The following AMZ1 variants were observed in gnomAD, a reference collection of about 807,000 sequenced individuals.
AMZ1 encodes the protein archaelysin family metallopeptidase 1, also known as archaemetzincin-1.
In AMZ1, 39 loss-of-function variants were observed where a neutral mutation model predicts 29.9. The observed-to-expected ratio is 1.30, with a 90% CI of 1.01 to 1.70. The LOEUF is 1.70. Among genes scored for constraint, AMZ1 ranks in the 40% most tolerant of loss-of-function variants. The pLI is 0.00. For missense variants in AMZ1, 1,041 were observed against 680.6 expected, an observed-to-expected ratio of 1.53 and a Z score of -5.89; for synonymous variants, 458 against 304.0, an observed-to-expected ratio of 1.51 and a Z score of -5.27.
chr7:2,711,299 C>T (rs1206579566), intron 6 of AMZ1, among the ~76,000 whole-genome samples: 2 of 152,126 alleles, frequency 1.3e-5, no homozygotes, highest in Admixed American at 6.5e-5. Flanking sequence ...AAGGGCCTGG[C>T]CAGAAAAGGT....
At chr7:2,742,958 C>A (rs798512) in intron 4 of AMZ1, among the ~76,000 whole-genome samples, 2 of 152,056 alleles carry the variant, frequency 1.3e-5, no homozygotes, top group Admixed American at 6.5e-5. Flanking sequence ...CAGGTGCACA[C>A]TCACATCACC....
chr7:2,762,644 A>G (rs1329196727), upstream of AMZ1: 1 of 1,597,870 alleles, frequency 6.3e-7, no homozygotes, highest in African/African-American at 1.3e-5. Context: ...TGAAGCACAG[A>G]GCGGCAGGAC....
chr7:2,692,806 A>G lies in AMZ1; in HGVS notation c.-219+4510A>G, dbSNP rs753547708. Among the ~76,000 whole-genome samples the G allele has an allele frequency of 1.5e-3, 235 of 152,264 alleles. 3 individuals carry two copies. Among genetic ancestry groups the G allele is most frequent in the Admixed American group, 2.7e-3 (41 of 15,282 alleles). On this transcript the variant is annotated intron_variant, in intron 1 of 6. Transcript: ENST00000683327. ...CAGAGCAAAGGTTAAAGCTCTTCCA[A>G]CAGCCTCCCGGCTCCTGCGCGATGT... is the stretch of plus-strand genomic sequence containing the variant.
chr7:2,764,763 A>T (rs1791733721), exon 1 of AMZ1: 1 of 152,250 alleles, frequency 6.6e-6, no homozygotes, highest in South Asian at 2.1e-4. Context: ...CTGAAGCAGC[A>T]TCTGAAGTCC....
intron 2 of AMZ1, among the ~76,000 whole-genome samples, chr7:2,701,449 TGAG>T (rs1788049017): frequency 6.6e-6 from 1 of 152,060 alleles, no homozygotes; most frequent in South Asian, 2.1e-4. Context: ...GGTGGGGGCT[TGAG>T]GGCCCAGAGT....
In AMZ1 at chr7:2,733,589, T is replaced by A. The variant is rs114892473; in HGVS notation, n.550+23773T>A. The A allele has an allele frequency of 2.5e-3, 2,476 of 1,002,830 alleles. 24 individuals carry two copies. The African/African-American group carries it at 0.034, about 14-fold the overall frequency. 62.1% of individuals were successfully genotyped at this position (1,002,830 alleles called of 1,614,324 possible). A position where few individuals can be genotyped will look rare whatever the true frequency, so the allele number is the denominator to read the frequency against. ...CAAGAACTGAACAGGGTAAGAGCAG[T>A]GGCATTTCGCCTCCGTGTGAATGGG... On this transcript the variant is annotated intron_variant and non_coding_transcript_variant, in intron 4 of 4. Coordinates refer to the AMZ1 transcript ENST00000489665.
intron 1 of AMZ1, among the ~76,000 whole-genome samples, chr7:2,689,317 T>C (rs1043694012): frequency 2.0e-5 from 3 of 152,044 alleles, no homozygotes; most frequent in African/African-American, 7.2e-5. Context: ...CTTGGATACC[T>C]GGTTACTGGG....
At chr7:2,680,801 A>C (rs916184515) in intron 1 of AMZ1, among the ~76,000 whole-genome samples, 2 of 152,188 alleles carry the variant, frequency 1.3e-5, no homozygotes, top group Non-Finnish European at 2.9e-5. Flanking sequence ...CCAGGGCACG[A>C]CCCTGATGGA....
chr7:2,730,885 A>C (rs1050367499), intron 4 of AMZ1: 2 of 355,036 alleles, frequency 5.6e-6, no homozygotes, highest in African/African-American at 2.0e-5. Context: ...AAAAAGAGGA[A>C]CGTTTCTGTA....
chr7:2,731,074 C>T lies in AMZ1; in HGVS notation n.550+21258C>T, dbSNP rs761499463. The T allele has an allele frequency of 3.2e-5, 23 of 721,132 alleles. No homozygotes were observed. The highest frequency in any genetic ancestry group is 3.2e-4 in the Middle Eastern group (1 of 3,100). 44.7% of individuals were successfully genotyped at this position (721,132 alleles called of 1,614,324 possible). On this transcript the variant is annotated intron_variant and non_coding_transcript_variant, in intron 4 of 4. Transcript: ENST00000489665. The surrounding 1 kb of genome is among the most constrained non-coding windows in gnomAD (Gnocchi z 6.0). The stretch of plus-strand genomic sequence containing the variant: ...TTCCTGAGCCAGGTATTCCAGGGCA[C>T]GGATCCGAGAAACCCACTCAAGGAC...
chr7:2,705,831 G>A (rs755591535), intron 3 of AMZ1, among the ~76,000 whole-genome samples: 18 of 152,232 alleles, frequency 1.2e-4, no homozygotes, highest in Admixed American at 5.2e-4. Flanking sequence ...CTTGGCCCTG[G>A]CCCTAAAACA....
chr7:2,690,876 C>T (rs1238812662), intron 1 of AMZ1, among the ~76,000 whole-genome samples: 5 of 152,104 alleles, frequency 3.3e-5, no homozygotes, highest in Non-Finnish European at 5.9e-5. Context: ...TGTGGTGGCT[C>T]ACCTCTGAAA....
upstream of AMZ1, among the ~76,000 whole-genome samples, chr7:2,684,397 C>G (rs10246633): frequency 6.6e-6 from 1 of 152,040 alleles, no homozygotes; most frequent in Non-Finnish European, 1.5e-5. Context: ...TTTTGGGAGC[C>G]GCTATGTAAC....
intron 2 of AMZ1, among the ~76,000 whole-genome samples, chr7:2,701,746 T>TG (rs140074501): frequency 0.032 from 4,856 of 152,300 alleles, 267 homozygotes; most frequent in African/African-American, 0.11. Flanking sequence ...AGAACAGGGC[T>TG]GACCTCGCCT....
intron 4 of AMZ1, among the ~76,000 whole-genome samples, chr7:2,726,762 G>T (rs73047368): frequency 0.11 from 16,115 of 152,300 alleles, 989 homozygotes; most frequent in Middle Eastern, 0.17. Flanking sequence ...ATGCCGAAGA[G>T]CAAGTTATGG....
chr7:2,708,122 C>G (rs111657736), intron 3 of AMZ1, among the ~76,000 whole-genome samples: 3,568 of 152,258 alleles, frequency 0.023, 160 homozygotes, highest in African/African-American at 0.081. Flanking sequence ...TGTGCCCGGC[C>G]TTACCGAGGG....
intron 4 of AMZ1, among the ~76,000 whole-genome samples, chr7:2,745,442 TA>T (rs1271717697): frequency 1.3e-5 from 2 of 152,144 alleles, no homozygotes; most frequent in Admixed American, 6.5e-5. Flanking sequence ...GAAGGAGAAA[TA>T]AAATACTTTA....
Position 2,719,312 on chromosome 7 carries a change from C to G in AMZ1, c.*6434C>G, listed in dbSNP as rs1789315351. Among the ~76,000 whole-genome samples, 1 of 152,214 alleles carries G rather than the reference C, an allele frequency of 6.6e-6. No homozygotes were observed. Among genetic ancestry groups the G allele is most frequent in the Non-Finnish European group, 1.5e-5 (1 of 68,038 alleles). ...TCACGTGGGGCTCTTGATGGCATAACCTGATGTCTGTCACGGACCCCCAAG... is the reference window on the plus strand; with the variant it reads ...TCACGTGGGGCTCTTGATGGCATAAGCTGATGTCTGTCACGGACCCCCAAG... On this transcript the variant is annotated 3_prime_UTR_variant, in exon 7 of 7. Coordinates refer to ENST00000683327, the MANE Select transcript of AMZ1 (RefSeq NM_001384743.1).
At chr7:2,732,374 C>T (rs1313134354) in intron 4 of AMZ1, among the ~76,000 whole-genome samples, 2 of 152,078 alleles carry the variant, frequency 1.3e-5, no homozygotes, top group African/African-American at 4.8e-5. Flanking sequence ...TAGTAAAACC[C>T]CATATTTACA....
Sources: allele counts gnomAD v4.1 joint callset (sites outside exome capture counted in the v4.1 genomes callset), GRCh38; gene constraint gnomAD v4.1.1; non-coding constraint Gnocchi (gnomAD v3.1); transcripts MANE v1.5; gene names NCBI Gene and HGNC (gene_info 2026-07-23, HGNC 2026-07-21).